CLNK: variants seen among roughly 807,000 people sequenced by gnomAD.
CLNK encodes the protein cytokine-dependent hematopoietic cell linker.
CLNK carries 74 observed loss-of-function variants against 68.6 expected under a neutral mutation model. The observed-to-expected ratio is 1.08, with a 90% CI of 0.89 to 1.31. The LOEUF (loss-of-function observed/expected upper bound fraction) is 1.31. Among genes scored for constraint, CLNK ranks in the 50% most tolerant of loss-of-function variants. The pLI, the probability that CLNK is intolerant of heterozygous loss-of-function variation, is 0.00. For missense variants in CLNK, 553 were observed against 515.3 expected, an observed-to-expected ratio of 1.07 and a Z score of -0.71; for synonymous variants, 198 against 172.2, an observed-to-expected ratio of 1.15 and a Z score of -1.17.
At chr4:10,673,806 G>C (rs912997922) in intron 1 of CLNK, among the ~76,000 whole-genome samples, 12 of 151,796 alleles carry the variant, frequency 7.9e-5, no homozygotes, top group Admixed American at 7.8e-4. Context: ...CGTCAGCCTT[G>C]CAGGTCTTTC....
upstream of CLNK, among the ~76,000 whole-genome samples, chr4:10,688,204 T>C (rs907720686): frequency 2.0e-5 from 3 of 152,158 alleles, no homozygotes; most frequent in Non-Finnish European, 2.9e-5. Context: ...ACCAGAAATA[T>C]TGAGTTGTGG....
At chr4:10,528,901 A>G (rs182425142) in intron 12 of CLNK, among the ~76,000 whole-genome samples, 28 of 152,142 alleles carry the variant, frequency 1.8e-4, no homozygotes, top group Non-Finnish European at 1.3e-4. Context: ...CTTCCCAAAC[A>G]TTTTCTTTCT....
chr4:10,611,932 C>T (rs1486231192), intron 2 of CLNK, among the ~76,000 whole-genome samples: 1 of 152,162 alleles, frequency 6.6e-6, no homozygotes, highest in Non-Finnish European at 1.5e-5. Context: ...CCTGACAATC[C>T]ACTCTCTCCC....
chr4:10,719,221 T>C, the CLNK span, among the ~76,000 whole-genome samples: 1 of 152,064 alleles, frequency 6.6e-6, no homozygotes, highest in Admixed American at 6.5e-5. Context: ...TAAGTGTAAA[T>C]GGTCTAAATA....
intron 2 of CLNK, among the ~76,000 whole-genome samples, chr4:10,656,074 G>T (rs1007208664): frequency 1.3e-5 from 2 of 152,056 alleles, no homozygotes; most frequent in Non-Finnish European, 2.9e-5. Flanking sequence ...GGCTATTAAA[G>T]ATTTAAAAGT....
intron 1 of CLNK, among the ~76,000 whole-genome samples, chr4:10,678,772 C>A (rs1318332491): frequency 6.6e-6 from 1 of 152,138 alleles, no homozygotes; most frequent in Non-Finnish European, 1.5e-5. Context: ...AACTCCCATT[C>A]ACAATTGCCT....
intron 2 of CLNK, among the ~76,000 whole-genome samples, chr4:10,657,428 T>C (rs1010102558): frequency 2.0e-5 from 3 of 152,260 alleles, no homozygotes; most frequent in African/African-American, 7.2e-5. Context: ...TTGTTCTTTA[T>C]GCCTTATGCA....
chr4:10,646,617 T>C (rs1481409992), intron 2 of CLNK, among the ~76,000 whole-genome samples: 1 of 152,076 alleles, frequency 6.6e-6, no homozygotes, highest in Non-Finnish European at 1.5e-5. Context: ...TGTGTGCTTC[T>C]TGGCACAGAG....
the CLNK span, among the ~76,000 whole-genome samples, chr4:10,711,803 C>A: frequency 1.3e-5 from 2 of 152,154 alleles, no homozygotes; most frequent in African/African-American, 4.8e-5. Flanking sequence ...TTGTCCAATG[C>A]CAACATTCTA....
At chr4:10,566,214 A>T (rs971618833) in intron 5 of CLNK, 64 bp from the exon 6 acceptor site, 1 of 1,525,862 alleles carries the variant, frequency 6.6e-7, no homozygotes, top group Non-Finnish European at 8.9e-7. Context: ...GACAGGCTAC[A>T]GTGCTGGCTA....
At chr4:10,614,555 G>A (rs1321856021) in intron 2 of CLNK, among the ~76,000 whole-genome samples, 1 of 152,198 alleles carries the variant, frequency 6.6e-6, no homozygotes, top group Non-Finnish European at 1.5e-5. Context: ...GTCAAAGTGT[G>A]GTTCCCAGAC....
the CLNK span, among the ~76,000 whole-genome samples, chr4:10,723,884 G>GAGAGAA: frequency 1.5e-5 from 2 of 132,582 alleles, no homozygotes; most frequent in East Asian, 4.1e-4. Context: ...ACAGGAGTCA[G>GAGAGAA]AGAGAGAGAG....
chr4:10,655,239 T>C (rs961663313), intron 2 of CLNK, among the ~76,000 whole-genome samples: 2 of 151,954 alleles, frequency 1.3e-5, no homozygotes, highest in African/African-American at 4.8e-5. Flanking sequence ...ATATAACATG[T>C]TCGTGAACTA....
intron 3 of CLNK, among the ~76,000 whole-genome samples, chr4:10,596,127 GT>G (rs1721373914): frequency 6.6e-6 from 1 of 152,224 alleles, no homozygotes; most frequent in African/African-American, 2.4e-5. Context: ...CCGGGTTCAA[GT>G]GATTCTCCTG....
intron 2 of CLNK, among the ~76,000 whole-genome samples, chr4:10,655,101 GAAA>G (rs748148319): frequency 5.6e-4 from 41 of 72,808 alleles, no homozygotes; most frequent in Non-Finnish European, 7.5e-4. Context: ...ACACCGACTC[GAAA>G]AAAAAAAAAA....
At chr4:10,599,711 C>G (rs1033401686) in intron 2 of CLNK, among the ~76,000 whole-genome samples, 2 of 152,172 alleles carry the variant, frequency 1.3e-5, no homozygotes, top group Non-Finnish European at 2.9e-5. Flanking sequence ...CCACCCCTCC[C>G]CCTCTATCAT....
chr4:10,491,011 C>T (rs1019895802), intron 18 of CLNK, among the ~76,000 whole-genome samples: 31 of 152,110 alleles, frequency 2.0e-4, no homozygotes, highest in Non-Finnish European at 1.5e-5. Context: ...GTGATCCACC[C>T]GCCTCGGCAT....
chr4:10,639,887 A>G (rs1191750207), intron 2 of CLNK, among the ~76,000 whole-genome samples: 1 of 152,224 alleles, frequency 6.6e-6, no homozygotes, highest in African/African-American at 2.4e-5. Flanking sequence ...AGGCATTGCA[A>G]TGTGAAGTTA....
intron 8 of CLNK, among the ~76,000 whole-genome samples, chr4:10,556,830 C>G (rs1719689730): frequency 6.6e-6 from 1 of 152,092 alleles, no homozygotes; most frequent in African/African-American, 2.4e-5. Context: ...TTAATCTCAG[C>G]ACTTTGGGAG....
Sources: allele counts gnomAD v4.1 joint callset (sites outside exome capture counted in the v4.1 genomes callset), GRCh38; gene constraint gnomAD v4.1.1; transcripts MANE v1.5; gene names NCBI Gene and HGNC (gene_info 2026-07-23, HGNC 2026-07-21).